Variants in FCMR observed in about 807,000 individuals in gnomAD.
FCMR encodes immunoglobulin mu Fc receptor.
A neutral mutation model predicts 41.6 loss-of-function variants in FCMR; 34 were observed. The ratio of observed to expected loss-of-function variants is 0.82; its 90% confidence interval spans 0.62 to 1.09. The LOEUF (loss-of-function observed/expected upper bound fraction) is 1.09, where lower values mean the gene tolerates loss of function less well. Ranked by LOEUF, FCMR falls within the 50% of genes least tolerant of loss-of-function variation. The probability of loss-of-function intolerance (pLI) is 0.00; values close to 1 mark genes in which losing one functional copy is unlikely to be tolerated. For missense variants in FCMR, 496 were observed against 512.5 expected, an observed-to-expected ratio of 0.97 and a Z score of 0.31; for synonymous variants, 209 against 211.8, an observed-to-expected ratio of 0.99 and a Z score of 0.12.
intron 7 of FCMR, chr1:206,906,405 A>C (rs780031551): frequency 5.6e-6 from 1 of 178,044 alleles, no homozygotes; most frequent in Non-Finnish European, 1.2e-5. Flanking sequence ...GTATGACATG[A>C]TTTTGTTTTT....
In FCMR at chr1:206,904,340, C is replaced by T. The variant is rs191657882; in HGVS notation, c.*679G>A. 8.0e-5 allele frequency: 12 copies of T among 149,316 alleles called. No individual in the cohort carries two copies. Among genetic ancestry groups the T allele is most frequent in the African/African-American group, 2.5e-4 (10 of 40,096 alleles). The allele number at this position is 149,316 out of a possible 1,614,324, so 9.2% of individuals were successfully genotyped here. A position where few individuals can be genotyped will look rare whatever the true frequency, so the allele number is the denominator to read the frequency against. ...TAGAGGGGAGATGCTGAGGTCAGGG[C>T]ACTTATGTGCATCAAGTGATGGAGA... On this transcript the variant is annotated 3_prime_UTR_variant, in exon 8 of 8. Transcript: ENST00000367091.
intron 4 of FCMR, 78 bp from the exon 5 acceptor site, chr1:206,910,418 C>T: frequency 4.1e-6 from 5 of 1,218,444 alleles, no homozygotes; most frequent in Non-Finnish European, 5.4e-6. Context: ...CCTGTGTAGC[C>T]AACGTTTTTG....
At chr1:206,921,781 C>T (rs768961757) in intron 1 of FCMR, 37 bp downstream of exon 1, 4 of 1,600,152 alleles carry the variant, frequency 2.5e-6, no homozygotes, top group Non-Finnish European at 3.4e-6. Flanking sequence ...ATTCAAGCCT[C>T]ATTCAGAGGT....
intron 1 of FCMR, among the ~76,000 whole-genome samples, chr1:206,920,883 T>C (rs1216187824): frequency 5.9e-5 from 9 of 152,222 alleles, no homozygotes; most frequent in Admixed American, 5.9e-4. Context: ...CTGCAATGAT[T>C]TGGCCATTGA....
At chr1:206,910,523 A>G (rs1334970830) in intron 4 of FCMR, among the ~76,000 whole-genome samples, 183 bp from the exon 5 acceptor site, 1 of 152,190 alleles carries the variant, frequency 6.6e-6, no homozygotes, top group Admixed American at 6.5e-5. Context: ...TTGAATTCAA[A>G]TTCATATTCC....
intron 4 of FCMR, among the ~76,000 whole-genome samples, chr1:206,910,643 A>C (rs12739092): frequency 1.8e-4 from 27 of 152,332 alleles, no homozygotes; most frequent in East Asian, 1.7e-3. Context: ...ATGAGGATGA[A>C]ATAAGAGTGG....
intron 1 of FCMR, among the ~76,000 whole-genome samples, chr1:206,916,424 A>T (rs1679195100): frequency 6.6e-6 from 1 of 152,182 alleles, no homozygotes; most frequent in African/African-American, 2.4e-5. Context: ...GGGCAGGGGG[A>T]AGATAGCAGA....
intron 1 of FCMR, among the ~76,000 whole-genome samples, chr1:206,918,739 A>G (rs1679303889): frequency 6.6e-6 from 1 of 150,820 alleles, no homozygotes; most frequent in Non-Finnish European, 1.5e-5. Context: ...ATGTATTATT[A>G]TTATCATTAG....
At chr1:206,919,163 C>T (rs981445160) in intron 1 of FCMR, among the ~76,000 whole-genome samples, 1 of 152,168 alleles carries the variant, frequency 6.6e-6, no homozygotes, top group Non-Finnish European at 1.5e-5. Flanking sequence ...CGTCCACCCC[C>T]ACCTTCTTCC....
chr1:206,913,575 A>G (rs1679036699), intron 2 of FCMR, 184 bp downstream of exon 2: 1 of 605,244 alleles, frequency 1.7e-6, no homozygotes, highest in Admixed American at 2.9e-5. Flanking sequence ...CATGTTGGGT[A>G]GAAAATTGTG....
At chr1:206,910,473 A>ACTCCCCC in intron 4 of FCMR, 133 bp from the exon 5 acceptor site, 1 of 597,358 alleles carries the variant, frequency 1.7e-6, no homozygotes, top group Non-Finnish European at 2.6e-6. Context: ...AATTCACTCC[A>ACTCCCCC]CTCCCCCCTC....
At chr1:206,910,720 A>G (rs1463416761) in intron 4 of FCMR, among the ~76,000 whole-genome samples, 1 of 152,200 alleles carries the variant, frequency 6.6e-6, no homozygotes, top group Non-Finnish European at 1.5e-5. Flanking sequence ...TATTGCAGAT[A>G]TTGACTGGGC....
chr1:206,913,781 T>A lies in FCMR; in HGVS notation c.351A>T (p.Lys117Asn). 3 of 1,614,192 alleles carry A rather than the reference T, an allele frequency of 1.9e-6. No homozygotes were observed. Among genetic ancestry groups the A allele is most frequent in the Non-Finnish European group, 2.5e-6 (3 of 1,180,012 alleles). Residue 117 changes from lysine to asparagine, a missense_variant, in exon 2 of 8, where the codon AAA becomes AAT. Coordinates refer to ENST00000367091, the MANE Select transcript of FCMR (RefSeq NM_005449.5). ...GMNTDRGKTQ[K>N]VTLNVHSEYE... ...TACCACTGTGGACATTCAGGGTGACTTTCTGGGTCTTTCCCCGGTCTGTGT... is the reference window on the plus strand; with the variant it reads ...TACCACTGTGGACATTCAGGGTGACATTCTGGGTCTTTCCCCGGTCTGTGT...
intron 7 of FCMR, among the ~76,000 whole-genome samples, chr1:206,906,817 T>C (rs1295528365): frequency 6.6e-6 from 1 of 151,528 alleles, no homozygotes; most frequent in Non-Finnish European, 1.5e-5. Context: ...AAAGACGGAG[T>C]AGACAGACAG....
chr1:206,921,666 T>C, intron 1 of FCMR, 152 bp downstream of exon 1: 1 of 710,066 alleles, frequency 1.4e-6, no homozygotes, highest in South Asian at 1.7e-5. Context: ...ATCCAACACC[T>C]CACATGGCCT....
Position 206,909,853 on chromosome 1 carries a change from G to T in FCMR, c.857C>A (p.Ala286Asp). 1 of 1,383,174 alleles carries T rather than the reference G, an allele frequency of 7.2e-7. No individual in the cohort carries two copies. Among genetic ancestry groups the T allele is most frequent in the Non-Finnish European group, 9.3e-7 (1 of 1,070,364 alleles). 85.7% of individuals were successfully genotyped at this position (1,383,174 alleles called of 1,614,324 possible). A position where few individuals can be genotyped will look rare whatever the true frequency, so the allele number is the denominator to read the frequency against. ...GCGCATCCTCACGGCCAGTCGGCGG[G>T]CCCGCCTGGAGAGGGCTTCCCCACA... ...VERRKALSRR[A>D]RRLAVRMRAL... The change falls in exon 6 of 8, where the codon GCC (alanine) becomes GAC (aspartate). Residue 286 changes from alanine (A) to aspartate (D), a missense_variant. Transcript: ENST00000367091. The surrounding 1 kb of genome is among the most constrained non-coding windows in gnomAD (Gnocchi z 5.0).
chr1:206,914,582 C>T (rs1374934020), intron 1 of FCMR, among the ~76,000 whole-genome samples: 1 of 151,980 alleles, frequency 6.6e-6, no homozygotes, highest in Non-Finnish European at 1.5e-5. Flanking sequence ...CAGGTGCATG[C>T]TGCCATGCCT....
At chr1:206,920,524 A>G (rs1679392004) in intron 1 of FCMR, among the ~76,000 whole-genome samples, 1 of 151,180 alleles carries the variant, frequency 6.6e-6, no homozygotes, top group Non-Finnish European at 1.5e-5. Flanking sequence ...ATGGGCAAAG[A>G]CATGGTGGCA....
In FCMR at chr1:206,909,582, C is replaced by T. The variant is rs902479417; in HGVS notation, c.986-62G>A. 7.8e-7 allele frequency: 1 copy of T among 1,276,918 alleles called. No individual in the cohort carries two copies. Among genetic ancestry groups the T allele is most frequent in the Non-Finnish European group, 1.0e-6 (1 of 994,942 alleles). 79.1% of individuals were successfully genotyped at this position (1,276,918 alleles called of 1,614,324 possible). A position where few individuals can be genotyped will look rare whatever the true frequency, so the allele number is the denominator to read the frequency against. ...AGGCTCCCGCCCCACCGTCATGCTACTACTCCCAGCTCCACCCCCGCCCCA... is the reference window on the plus strand; with the variant it reads ...AGGCTCCCGCCCCACCGTCATGCTATTACTCCCAGCTCCACCCCCGCCCCA... On this transcript the variant is annotated intron_variant, in intron 6 of 7. Coordinates refer to ENST00000367091, the MANE Select transcript of FCMR (RefSeq NM_005449.5). The surrounding 1 kb of genome is among the most constrained non-coding windows in gnomAD (Gnocchi z 5.0).
Sources: allele counts gnomAD v4.1 joint callset (sites outside exome capture counted in the v4.1 genomes callset), GRCh38; gene constraint gnomAD v4.1.1; non-coding constraint Gnocchi (gnomAD v3.1); transcripts MANE v1.5; gene names NCBI Gene and HGNC (gene_info 2026-07-23, HGNC 2026-07-21).